Variants in MAN2B2 observed in about 807,000 individuals in gnomAD.
The protein encoded by MAN2B2 is epididymis-specific alpha-mannosidase.
A neutral mutation model predicts 117.1 loss-of-function variants in MAN2B2; 106 were observed. That is an observed-to-expected ratio of 0.90 (90% CI 0.77 to 1.06). The LOEUF (loss-of-function observed/expected upper bound fraction) is 1.06, where lower values mean the gene tolerates loss of function less well. MAN2B2 is among the 50% of genes least tolerant of loss of function. The pLI is 0.00. For missense variants in MAN2B2, 1,326 were observed against 1,381.4 expected, an observed-to-expected ratio of 0.96 and a Z score of 0.64; for synonymous variants, 544 against 595.1, an observed-to-expected ratio of 0.91 and a Z score of 1.25.
intron 16 of MAN2B2, among the ~76,000 whole-genome samples, chr4:6,616,004 G>A (rs537086712): frequency 2.0e-5 from 3 of 152,078 alleles, no homozygotes; most frequent in Admixed American, 2.0e-4. Context: ...GGGTTTCACT[G>A]TGCTGACCAG....
intron 16 of MAN2B2, among the ~76,000 whole-genome samples, chr4:6,616,205 G>A (rs1278274460): frequency 6.6e-6 from 1 of 152,144 alleles, no homozygotes; most frequent in African/African-American, 2.4e-5. Flanking sequence ...ACCAGCCAGG[G>A]TTTAGGAAGC....
intron 7 of MAN2B2, among the ~76,000 whole-genome samples, chr4:6,596,788 C>CTG (rs1250955339): frequency 6.6e-6 from 1 of 152,208 alleles, no homozygotes; most frequent in Non-Finnish European, 1.5e-5. Context: ...GCTCACACAG[C>CTG]TGTTCTGTGT....
At chr4:6,608,531 G>A (rs969186709) in intron 11 of MAN2B2, among the ~76,000 whole-genome samples, 1 of 152,224 alleles carries the variant, frequency 6.6e-6, no homozygotes, top group African/African-American at 2.4e-5. Flanking sequence ...ATAGAAGGGA[G>A]GGAGCACAGA....
At chr4:6,580,867 G>A (rs903173702) in intron 3 of MAN2B2, among the ~76,000 whole-genome samples, 3 of 152,156 alleles carry the variant, frequency 2.0e-5, no homozygotes, top group Non-Finnish European at 4.4e-5. Flanking sequence ...ATACCCCAGC[G>A]CTGACCCTGC....
chr4:6,621,130 G>C (rs1235979832), intron 18 of MAN2B2, 58 bp from the exon 19 acceptor site: 20 of 1,263,440 alleles, frequency 1.6e-5, no homozygotes, highest in Non-Finnish European at 2.3e-5. Flanking sequence ...GGGGGTGAGA[G>C]GGAGGCTGGG....
At position 6,611,238 on chromosome 4, in the gene MAN2B2, G is replaced by C. The variant is rs138297924; in HGVS notation, c.2523G>C (p.Ala841=). 6.2e-7 allele frequency: 1 copy of C among 1,613,132 alleles called. No homozygotes were observed. Among genetic ancestry groups the C allele is most frequent in the Non-Finnish European group, 8.5e-7 (1 of 1,179,768 alleles). The part of the protein sequence containing the change: ...TTALRQRSAL[A]LQHRPVVLFG... The stretch of plus-strand genomic sequence containing the variant: ...CCCTGCGCCAGAGGAGCGCACTGGC[G>C]CTGCAGCACAGGCCCGTGGTGCTGT... Residue 841 remains alanine, a synonymous_variant, in exon 15 of 19, where the codon GCG becomes GCC. Transcript: ENST00000285599.
At chr4:6,610,107 T>A in intron 13 of MAN2B2, 57 bp downstream of exon 13, 1 of 1,598,042 alleles carries the variant, frequency 6.3e-7, no homozygotes, top group Non-Finnish European at 8.5e-7. Context: ...CTGGACCCAT[T>A]AAGCATCAAA....
intron 5 of MAN2B2, among the ~76,000 whole-genome samples, chr4:6,589,981 C>T (rs555806362): frequency 4.6e-5 from 7 of 152,076 alleles, no homozygotes; most frequent in East Asian, 1.9e-4. Flanking sequence ...GCAGAAGGGT[C>T]GCCTGAATCC....
intron 3 of MAN2B2, among the ~76,000 whole-genome samples, chr4:6,586,477 C>T (rs952462707): frequency 6.6e-6 from 1 of 152,200 alleles, no homozygotes; most frequent in Non-Finnish European, 1.5e-5. Context: ...TCCAAGTTCA[C>T]ACAAAAATCC....
At chr4:6,578,632 G>T in intron 3 of MAN2B2, 134 bp downstream of exon 3, 1 of 680,344 alleles carries the variant, frequency 1.5e-6, no homozygotes, top group Non-Finnish European at 2.5e-6. Flanking sequence ...AGTGAAAGCA[G>T]TGATTTGCTA....
At chr4:6,620,598 T>G in intron 18 of MAN2B2, 1 of 165,648 alleles carries the variant, frequency 6.0e-6, no homozygotes, top group Non-Finnish European at 1.3e-5. Flanking sequence ...TTCTGTCCTG[T>G]GCAGCTCGTT....
In MAN2B2 at chr4:6,617,437, T is replaced by C. The variant is rs1711938300; in HGVS notation, c.2759T>C (p.Leu920Pro). ...LRRVLLRLYH[L>P]YEVGEDPVLS... ...CGTGTCCTGCTGCGGCTCTACCACC[T>C]ATATGAAGTGGGCGAGGACCCAGTC... is the stretch of plus-strand genomic sequence containing the variant. Residue 920 changes from leucine to proline, a missense_variant, in exon 17 of 19, where the codon CTA becomes CCA. By Grantham distance (98) the Leu-to-Pro change is moderately conservative (BLOSUM62 -3). Transcript: ENST00000285599. The C allele has an allele frequency of 1.9e-6, 3 of 1,614,154 alleles. No homozygotes were observed. Among genetic ancestry groups the C allele is most frequent in the Non-Finnish European group, 2.5e-6 (3 of 1,180,032 alleles).
rs1235831669 is a variant in MAN2B2, at chr4:6,606,815, C to G, written c.1814+1486C>G. On this transcript the variant is annotated intron_variant, in intron 11 of 18. Coordinates refer to ENST00000285599, the MANE Select transcript of MAN2B2 (RefSeq NM_015274.3). ...CTCGAAGGGCATAGGGGAGGTTGCT[C>G]CATAGGAAGGAGACAGCCTGTGCAG... Among the ~76,000 whole-genome samples, 4 of 152,180 alleles carry G rather than the reference C, an allele frequency of 2.6e-5. No homozygotes were observed. In the East Asian group the frequency reaches 7.7e-4, roughly 29 times the overall value.
At chr4:6,598,813 C>A (rs975209777) in intron 9 of MAN2B2, among the ~76,000 whole-genome samples, 6 of 152,196 alleles carry the variant, frequency 3.9e-5, no homozygotes, top group Non-Finnish European at 7.3e-5. Context: ...ACGCCGGTGT[C>A]CTCAGGGGCC....
chr4:6,598,255 G>T lies in MAN2B2; in HGVS notation c.1306G>T (p.Ala436Ser). 1 of 1,613,758 alleles carries T rather than the reference G, an allele frequency of 6.2e-7. No individual in the cohort carries two copies. Among genetic ancestry groups the T allele is most frequent in the Non-Finnish European group, 8.5e-7 (1 of 1,180,026 alleles). ...GTCCCCCAAGGTGAGAGACATGTAC[G>T]CAACGCACCTGGCCTCGGGGATGCT... ...TESPKVRDMY[A>S]THLASGMLGM... Residue 436 changes from alanine to serine, a missense_variant, in exon 9 of 19, where the codon GCA becomes TCA. Physicochemically the swap from Ala to Ser is moderately conservative, Grantham distance 99 (BLOSUM62 1). Transcript: ENST00000285599.
Position 6,622,806 on chromosome 4 carries a change from C to G in MAN2B2, c.*1521C>G, listed in dbSNP as rs934981464. The G allele has an allele frequency of 8.0e-5, 12 of 149,756 alleles. No homozygotes were observed. Among genetic ancestry groups the G allele is most frequent in the African/African-American group, 2.6e-4 (10 of 39,110 alleles). The allele number at this position is 149,756 out of a possible 1,614,324, so 9.3% of individuals were successfully genotyped here. A position where few individuals can be genotyped will look rare whatever the true frequency, so the allele number is the denominator to read the frequency against. The stretch of plus-strand genomic sequence containing the variant: ...GTACTCTAGGGCTGAAGGAAAGTAC[C>G]CAGAAAGGACCAGCTTGGAAGGAGT... On this transcript the variant is annotated 3_prime_UTR_variant, in exon 19 of 19. Transcript: ENST00000285599.
chr4:6,581,498 G>A (rs1194104672), intron 3 of MAN2B2, among the ~76,000 whole-genome samples: 1 of 152,072 alleles, frequency 6.6e-6, no homozygotes, highest in Non-Finnish European at 1.5e-5. Flanking sequence ...GTGTGTATCA[G>A]ACCACCCATC....
chr4:6,611,087 T>A lies in MAN2B2; in HGVS notation c.2372T>A (p.Val791Asp). Residue 791 changes from valine to aspartate, a missense_variant and splice_region_variant, in exon 15 of 19, where the codon GTC becomes GAC. Val to Asp is a radical substitution (Grantham distance 152). Transcript: ENST00000285599. ...ISSQGNGQVE[V>D]MLHRRLWNNF... The stretch of plus-strand genomic sequence containing the variant: ...CTCTCGGACAATGCCTTCCCGCAGG[T>A]CATGCTCCACCGGCGGCTGTGGAAC... The A allele has an allele frequency of 1.2e-6, 2 of 1,612,954 alleles. No individual in the cohort carries two copies. The highest frequency in any genetic ancestry group is 3.3e-5 in the Admixed American group (2 of 59,986).
intron 11 of MAN2B2, among the ~76,000 whole-genome samples, chr4:6,608,057 T>A (rs749717707): frequency 7.9e-5 from 12 of 152,238 alleles, no homozygotes; most frequent in Non-Finnish European, 1.5e-4. Flanking sequence ...CTTTAGATCC[T>A]TTACCTATTT....
Sources: gnomAD v4.1 joint callset for allele counts (sites outside exome capture counted in the v4.1 genomes callset) on GRCh38, gnomAD v4.1.1 for gene constraint, MANE v1.5 for transcripts, NCBI Gene and HGNC (gene_info 2026-07-23, HGNC 2026-07-21) for gene names.